Variants in VSIG1 observed in about 807,000 individuals in gnomAD.
VSIG1 encodes the protein V-set and immunoglobulin domain-containing protein 1.
A neutral mutation model predicts 20.1 loss-of-function variants in VSIG1; 11 were observed. The observed-to-expected ratio is 0.55, with a 90% CI of 0.34 to 0.91. The LOEUF (loss-of-function observed/expected upper bound fraction) is 0.91, where lower values mean the gene tolerates loss of function less well. Among genes scored for constraint, VSIG1 ranks in the 40% least tolerant of loss-of-function variants. VSIG1 has a pLI of 0.02. For synonymous variants in VSIG1, 126 were observed against 116.7 expected (o/e 1.08, Z -0.52); for missense variants, 283 against 298.8 (o/e 0.95, Z 0.39).
upstream of VSIG1, among the ~76,000 whole-genome samples, chrX:108,044,162 A>T (rs1027102360): frequency 2.7e-5 from 3 of 111,803 alleles, no homozygotes; most frequent in Non-Finnish European, 5.6e-5. Flanking sequence ...GAGAAAGAAC[A>T]CATCTGAAAG....
chrX:108,077,496 C>G lies in VSIG1; in HGVS notation c.*115C>G. ...TCCATTTTGACCAACCTTCTTCTAA[C>G]AAGGTGCTCATTCCTACTATGAATC... On this transcript the variant is annotated 3_prime_UTR_variant, in exon 7 of 7. Transcript: ENST00000217957. 4 of 874,856 alleles carry G rather than the reference C, an allele frequency of 4.6e-6. No individual in the cohort carries two copies. Among genetic ancestry groups the G allele is most frequent in the Non-Finnish European group, 3.2e-6 (2 of 623,920 alleles). 72.1% of individuals were successfully genotyped at this position (874,856 alleles called of 1,213,427 possible). A position where few individuals can be genotyped will look rare whatever the true frequency, so the allele number is the denominator to read the frequency against.
At chrX:108,047,995 T>TATATATACAC in intron 1 of VSIG1, among the ~76,000 whole-genome samples, 1 of 71,007 alleles carries the variant, frequency 1.4e-5, no homozygotes, top group Non-Finnish European at 2.5e-5. Context: ...TATATATATA[T>TATATATACAC]ATATATACAC....
chrX:108,026,409 C>T, the VSIG1 span, among the ~76,000 whole-genome samples: 1 of 110,877 alleles, frequency 9.0e-6, no homozygotes, highest in Non-Finnish European at 1.9e-5. Context: ...TGAGATTTGA[C>T]GTTAATTACA....
At chrX:108,019,451 G>T in the VSIG1 span, among the ~76,000 whole-genome samples, 1 of 112,515 alleles carries the variant, frequency 8.9e-6, no homozygotes, top group Admixed American at 9.3e-5. Flanking sequence ...GGAATGATCA[G>T]GTGGAGGTGG....
rs779997349 is a variant in VSIG1, at chrX:108,062,435, C to T, written c.213+4234C>T. Reference sequence around the variant, plus strand: ...TACTGAGAAATACTGCAAGTTCTTCCCCACCCCACCATCAAATTTATGTAT... The same window carrying T: ...TACTGAGAAATACTGCAAGTTCTTCTCCACCCCACCATCAAATTTATGTAT... On this transcript the variant is annotated intron_variant, in intron 2 of 6. Transcript: ENST00000217957. Among the ~76,000 whole-genome samples, 14 of 111,397 alleles carry T rather than the reference C, an allele frequency of 1.3e-4. No homozygotes were observed. The South Asian group carries it at 5.0e-3, about 40-fold the overall frequency.
At chrX:108,031,101 C>T in the VSIG1 span, among the ~76,000 whole-genome samples, 1 of 111,712 alleles carries the variant, frequency 9.0e-6, no homozygotes, top group Non-Finnish European at 1.9e-5. Flanking sequence ...GTGATCTGCC[C>T]TCCAAATACT....
At chrX:108,064,571 A>G (rs2031090501) in intron 2 of VSIG1, 2 of 163,533 alleles carry the variant, frequency 1.2e-5, no homozygotes, top group South Asian at 2.8e-4. Context: ...TGGCCTCAAG[A>G]TCTCTGCAGA....
At position 108,073,353 on chromosome X, in the gene VSIG1, C is replaced by G. The variant is rs745578688; in HGVS notation, c.672C>G (p.Ile224Met). The G allele has an allele frequency of 5.0e-6, 6 of 1,210,710 alleles. No homozygotes were observed. The highest frequency in any genetic ancestry group is 5.6e-6 in the Non-Finnish European group (5 of 894,961). ...INRLGNSSCE[I>M]DLTSSHPEVG... ...GACTTGGCAATAGTTCCTGCGAAAT[C>G]GATCTCACTTCTTCACGTGAGTTGA... The change falls in exon 5 of 7, where the codon ATC becomes ATG. Residue 224 changes from isoleucine to methionine, a missense_variant. Coordinates refer to ENST00000217957, the MANE Select transcript of VSIG1 (RefSeq NM_182607.5).
chrX:108,070,200 A>G (rs747385558), intron 3 of VSIG1, among the ~76,000 whole-genome samples: 2 of 112,678 alleles, frequency 1.8e-5, no homozygotes, highest in African/African-American at 3.2e-5. Flanking sequence ...TTAAGAACCT[A>G]CTGAAGCACT....
intron 2 of VSIG1, chrX:108,061,446 A>G: frequency 8.6e-7 from 1 of 1,166,554 alleles, no homozygotes; most frequent in Non-Finnish European, 1.1e-6. Context: ...GTGCCTCAGT[A>G]CTGAGGGTAT....
In VSIG1 at chrX:108,072,952, G is replaced by T. The variant is rs933717322; in HGVS notation, c.568+120G>T. 5 of 741,311 alleles carry T rather than the reference G, an allele frequency of 6.7e-6. No homozygotes were observed. In the African/African-American group the frequency reaches 8.6e-5, roughly 13 times the overall value. 61.1% of individuals were successfully genotyped at this position (741,311 alleles called of 1,213,427 possible). A position where few individuals can be genotyped will look rare whatever the true frequency, so the allele number is the denominator to read the frequency against. ...ATCTTCTTGTTTTCTCAGTGGTGGC[G>T]GGTGGAGGGGGGCGGCTGGTAATGT... On this transcript the variant is annotated intron_variant, in intron 4 of 6. Coordinates refer to ENST00000217957, the MANE Select transcript of VSIG1 (RefSeq NM_182607.5).
At chrX:108,061,481 T>G in intron 2 of VSIG1, 1 of 1,167,011 alleles carries the variant, frequency 8.6e-7, no homozygotes, top group Non-Finnish European at 1.1e-6. Context: ...TCAGTCAGTG[T>G]CTAAAAATGA....
intron 1 of VSIG1, among the ~76,000 whole-genome samples, chrX:108,052,868 C>A (rs935410347): frequency 2.7e-5 from 3 of 111,414 alleles, no homozygotes; most frequent in Non-Finnish European, 5.7e-5. Flanking sequence ...TCTATAGGCT[C>A]TTTCTCAGTT....
chrX:108,064,055 T>C (rs1219137461), intron 2 of VSIG1, among the ~76,000 whole-genome samples: 1 of 112,628 alleles, frequency 8.9e-6, no homozygotes, highest in Non-Finnish European at 1.9e-5. Context: ...AAAAGAGTTA[T>C]TCTTTTATGG....
At chrX:108,046,361 C>T (rs2030577646) in intron 1 of VSIG1, among the ~76,000 whole-genome samples, 2 of 111,268 alleles carry the variant, frequency 1.8e-5, no homozygotes, top group African/African-American at 6.5e-5. Context: ...TTCCCTTCTC[C>T]CCAGGCATAT....
intron 2 of VSIG1, 140 bp from the exon 3 acceptor site, chrX:108,066,796 C>G (rs2031137431): frequency 3.6e-6 from 2 of 560,667 alleles, no homozygotes; most frequent in Non-Finnish European, 5.6e-6. Flanking sequence ...GTTGAGAAAC[C>G]TTGGCCACAG....
At chrX:108,073,465 C>T in intron 5 of VSIG1, 96 bp downstream of exon 5, 2 of 1,025,626 alleles carry the variant, frequency 2.0e-6, no homozygotes, top group Non-Finnish European at 2.7e-6. Context: ...GTTAGTGCTT[C>T]CTGCTTCTCT....
chrX:108,035,849 C>T, the VSIG1 span, among the ~76,000 whole-genome samples: 14 of 108,664 alleles, frequency 1.3e-4, no homozygotes, highest in Non-Finnish European at 1.9e-4. Context: ...GGCCATATCA[C>T]ATAATGGGTA....
chrX:108,038,790 A>G, the VSIG1 span, among the ~76,000 whole-genome samples: 1 of 112,118 alleles, frequency 8.9e-6, no homozygotes, highest in East Asian at 2.8e-4. Flanking sequence ...ATGAGGTTAG[A>G]GAGGTGGTGG....
Sources: gnomAD v4.1 joint callset for allele counts (sites outside exome capture counted in the v4.1 genomes callset) on GRCh38, gnomAD v4.1.1 for gene constraint, MANE v1.5 for transcripts, NCBI Gene and HGNC (gene_info 2026-07-23, HGNC 2026-07-21) for gene names.